The following RAD51 variants were observed in gnomAD, a reference collection of about 807,000 sequenced individuals.
RAD51 encodes the protein DNA repair protein RAD51 homolog 1.
RAD51 carries 14 observed loss-of-function variants against 41.5 expected under a neutral mutation model. The ratio of observed to expected loss-of-function variants is 0.34; its 90% CI spans 0.22 to 0.53. The LOEUF (loss-of-function observed/expected upper bound fraction) is 0.53, where lower values mean the gene tolerates loss of function less well. Ranked by LOEUF, RAD51 falls within the 20% of genes least tolerant of loss-of-function variation. RAD51 has a pLI of 0.95. For synonymous variants in RAD51, 136 were observed against 148.6 expected, an observed-to-expected ratio of 0.92 and a Z score of 0.62; for missense variants, 234 against 422.0, an observed-to-expected ratio of 0.55 and a Z score of 3.90.
At chr15:40,704,831 G>A (rs921705644) in intron 3 of RAD51, among the ~76,000 whole-genome samples, 6 of 149,148 alleles carry the variant, frequency 4.0e-5, no homozygotes, top group African/African-American at 7.4e-5. Flanking sequence ...CACCACGCCC[G>A]GCTAATTTTT....
At chr15:40,699,467 T>TA (rs1188231750) in intron 2 of RAD51, among the ~76,000 whole-genome samples, 1 of 152,212 alleles carries the variant, frequency 6.6e-6, no homozygotes, top group Non-Finnish European at 1.5e-5. Context: ...GTTTGTTTTT[T>TA]AAGAAATGGG....
At chr15:40,720,768 T>C (rs1286523346) in intron 6 of RAD51, among the ~76,000 whole-genome samples, 1 of 151,886 alleles carries the variant, frequency 6.6e-6, no homozygotes, top group East Asian at 1.9e-4. Context: ...TAGGAATAAA[T>C]TTAACAAAAG....
At chr15:40,721,734 T>C (rs2141863747) in intron 6 of RAD51, among the ~76,000 whole-genome samples, 1 of 152,304 alleles carries the variant, frequency 6.6e-6, no homozygotes, top group South Asian at 2.1e-4. Flanking sequence ...TTTAGACCCT[T>C]ACTATATACC....
At chr15:40,705,035 C>T (rs937442343) in intron 3 of RAD51, among the ~76,000 whole-genome samples, 1 of 152,102 alleles carries the variant, frequency 6.6e-6, no homozygotes, top group Non-Finnish European at 1.5e-5. Flanking sequence ...GTCTCAAACT[C>T]CTGGCTTCCA....
At chr15:40,714,125 A>G (rs1895868334) in intron 5 of RAD51, among the ~76,000 whole-genome samples, 1 of 150,964 alleles carries the variant, frequency 6.6e-6, no homozygotes, top group Non-Finnish European at 1.5e-5. Context: ...CTCTGCACCC[A>G]GATCCTCATA....
At chr15:40,710,241 CAAAAAAAAAAAAAAA>C (rs71104728) in intron 5 of RAD51, among the ~76,000 whole-genome samples, 2 of 44,312 alleles carry the variant, frequency 4.5e-5, no homozygotes, top group South Asian at 1.0e-3. Flanking sequence ...GACTCTGTCT[CAAAAAAAAAAAAAAA>C]AAAAAAAAAA....
chr15:40,723,514 T>C (rs1337476177), intron 6 of RAD51, among the ~76,000 whole-genome samples: 2 of 152,180 alleles, frequency 1.3e-5, no homozygotes, highest in East Asian at 3.8e-4. Context: ...TAAGTACTGA[T>C]ACGTGTTAAC....
At chr15:40,700,947 A>AG in intron 2 of RAD51, 117 bp from the exon 3 acceptor site, 2 of 1,199,156 alleles carry the variant, frequency 1.7e-6, no homozygotes, top group Non-Finnish European at 1.2e-6. Context: ...AAGGATTTCA[A>AG]GGGACAGTTG....
chr15:40,730,520 C>CTTTTTT (rs778467789), intron 9 of RAD51, among the ~76,000 whole-genome samples: 2 of 113,108 alleles, frequency 1.8e-5, no homozygotes, highest in Non-Finnish European at 3.4e-5. Flanking sequence ...AATTTTTTTT[C>CTTTTTT]TTTTTTTTTT....
intron 6 of RAD51, among the ~76,000 whole-genome samples, chr15:40,719,786 C>T (rs557777162): frequency 5.5e-4 from 84 of 151,718 alleles, no homozygotes; most frequent in South Asian, 8.3e-4. Flanking sequence ...GAGCCGAGAT[C>T]GCGCCACTGC....
intron 6 of RAD51, among the ~76,000 whole-genome samples, chr15:40,726,028 A>G (rs1596020084): frequency 6.6e-6 from 1 of 152,216 alleles, no homozygotes; most frequent in South Asian, 2.1e-4. Context: ...TCTCCAGGTA[A>G]TCTGATGCTT....
At chr15:40,728,569 AG>A in intron 6 of RAD51, 141 bp from the exon 7 acceptor site, 2 of 787,344 alleles carry the variant, frequency 2.5e-6, no homozygotes, top group African/African-American at 1.7e-5. Context: ...CTTAATAGAA[AG>A]GGAAATACAT....
intron 6 of RAD51, among the ~76,000 whole-genome samples, chr15:40,720,478 T>G (rs1474907315): frequency 6.6e-6 from 1 of 151,932 alleles, no homozygotes; most frequent in African/African-American, 2.4e-5. Context: ...TACCAAAGAT[T>G]ATAGACAGTG....
In RAD51 at chr15:40,701,204, A is replaced by G; in HGVS notation, c.225+3A>G. The G allele has an allele frequency of 6.2e-7, 1 of 1,614,122 alleles. No individual in the cohort carries two copies. The highest frequency in any genetic ancestry group is 8.5e-7 in the Non-Finnish European group (1 of 1,179,972). ...AAGCCAAAGCTGATAAAATTCTGGTAAGTACTGCTTACTTAACCTAGGGAG... is the reference window on the plus strand; with the variant it reads ...AAGCCAAAGCTGATAAAATTCTGGTGAGTACTGCTTACTTAACCTAGGGAG... On this transcript the variant is annotated splice_donor_region_variant and intron_variant, in intron 3 of 9. Transcript: ENST00000267868.
At chr15:40,711,560 C>T (rs1341722716) in intron 5 of RAD51, among the ~76,000 whole-genome samples, 1 of 152,070 alleles carries the variant, frequency 6.6e-6, no homozygotes, top group African/African-American at 2.4e-5. Flanking sequence ...GGTAATTTCA[C>T]CCTAGAGTGA....
chr15:40,703,452 TTTG>T (rs1485698564), intron 3 of RAD51, among the ~76,000 whole-genome samples: 2 of 152,220 alleles, frequency 1.3e-5, no homozygotes, highest in African/African-American at 4.8e-5. Context: ...TTTTCAGCTA[TTTG>T]TTGATTTTTT....
intron 6 of RAD51, among the ~76,000 whole-genome samples, chr15:40,725,571 A>G (rs1896539265): frequency 6.6e-6 from 1 of 152,190 alleles, no homozygotes; most frequent in Admixed American, 6.5e-5. Flanking sequence ...TTCCCAGAAC[A>G]TGGTCCCCAG....
At chr15:40,702,067 C>A (rs1895039989) in intron 3 of RAD51, 1 of 155,504 alleles carries the variant, frequency 6.4e-6, no homozygotes, top group South Asian at 1.7e-4. Context: ...CAGGTGTGAG[C>A]CACCGCGCCC....
chr15:40,730,520 C>CTTTTTTTTTTTTTCTTTTT (rs1555429746), intron 9 of RAD51, among the ~76,000 whole-genome samples: 19 of 113,052 alleles, frequency 1.7e-4, no homozygotes, highest in East Asian at 2.8e-4. Flanking sequence ...AATTTTTTTT[C>CTTTTTTTTTTTTTCTTTTT]TTTTTTTTTT....
Sources: allele counts gnomAD v4.1 joint callset (sites outside exome capture counted in the v4.1 genomes callset), GRCh38; gene constraint gnomAD v4.1.1; transcripts MANE v1.5; gene names NCBI Gene and HGNC (gene_info 2026-07-23, HGNC 2026-07-21).